Variants in MITF observed in about 807,000 individuals in gnomAD.
MITF encodes the protein melanocyte inducing transcription factor.
A neutral mutation model predicts 60.5 loss-of-function variants in MITF; 17 were observed. The observed-to-expected ratio is 0.28, with a 90% CI of 0.19 to 0.42. The LOEUF (loss-of-function observed/expected upper bound fraction) is 0.42. Among genes scored for constraint, MITF ranks in the 10% least tolerant of loss-of-function variants. MITF has a pLI of 1.00. For synonymous variants in MITF, 260 were observed against 248.5 expected (o/e 1.05, Z -0.43); for missense variants, 622 against 683.5 (o/e 0.91, Z 1.00).
chr3:69,959,430 C>CTGAG lies in MITF; in HGVS notation c.1179+12_1179+15dup. 6.2e-7 allele frequency: 1 copy of CTGAG among 1,613,754 alleles called. No homozygotes were observed. Among genetic ancestry groups the CTGAG allele is most frequent in the East Asian group, 2.2e-5 (1 of 44,846 alleles). ...GTTGCTCAGAATACAGGTACGCAGC[C>CTGAG]TGAGTTGTGTAAAGTTTACTGCTTT... On this transcript the variant is annotated intron_variant, in intron 9 of 9. Transcript: ENST00000352241.
chr3:69,939,095 C>T lies in MITF; in HGVS notation c.583-3C>T, dbSNP rs1293160128. 3 of 1,613,840 alleles carry T rather than the reference C, an allele frequency of 1.9e-6. No individual in the cohort carries two copies. In the Middle Eastern group the frequency reaches 5.0e-4, roughly 266 times the overall value. On this transcript the variant is annotated splice_region_variant and splice_polypyrimidine_tract_variant and intron_variant, in intron 3 of 9. Transcript: ENST00000352241. The stretch of plus-strand genomic sequence containing the variant: ...TAGACTGTTTTTGCTTGTGTTTTTG[C>T]AGGGATTTTATAAGTTTGAAGAGCA...
In MITF at chr3:69,967,828, C is replaced by T. The variant is rs139487027; in HGVS notation, c.*2580C>T. 902 of 233,158 alleles carry T rather than the reference C, an allele frequency of 3.9e-3. 5 individuals are homozygous for T. The highest frequency in any genetic ancestry group is 5.9e-3 in the Non-Finnish European group (693 of 117,910). 14.4% of individuals were successfully genotyped at this position (233,158 alleles called of 1,614,324 possible). A position where few individuals can be genotyped will look rare whatever the true frequency, so the allele number is the denominator to read the frequency against. On this transcript the variant is annotated 3_prime_UTR_variant, in exon 10 of 10. Coordinates refer to ENST00000352241, the MANE Select transcript of MITF (RefSeq NM_001354604.2). Reference sequence around the variant, plus strand: ...AAGAAAATGATCCACACCACTCCCCCGATTCCCGGGTGCAGAATTGTAACT... The same window carrying T: ...AAGAAAATGATCCACACCACTCCCCTGATTCCCGGGTGCAGAATTGTAACT...
At chr3:69,901,248 A>G (rs1253247955) in intron 2 of MITF, among the ~76,000 whole-genome samples, 1 of 151,988 alleles carries the variant, frequency 6.6e-6, no homozygotes, top group Non-Finnish European at 1.5e-5. Flanking sequence ...TTTTAAGTCA[A>G]CTTTGCTACT....
rs754008542 is a variant in MITF, at chr3:69,949,134, A to G, written c.846A>G (p.Pro282=). The G allele has an allele frequency of 1.2e-6, 2 of 1,613,740 alleles. No individual in the cohort carries two copies. Among genetic ancestry groups the G allele is most frequent in the Non-Finnish European group, 1.7e-6 (2 of 1,179,802 alleles). ...GCCTCACCATCAGCAACTCCTGTCC[A>G]GCCAACCTTCCCAACATAAAAAGGG... ...PPGLTISNSC[P]ANLPNIKREL... The change falls in exon 6 of 10, where the codon CCA becomes CCG. Residue 282 remains proline, a synonymous_variant. Transcript: ENST00000352241.
chr3:69,772,632 T>C (rs1370714216), intron 1 of MITF, among the ~76,000 whole-genome samples: 1 of 152,222 alleles, frequency 6.6e-6, no homozygotes, highest in African/African-American at 2.4e-5. Context: ...CATTCCTTAG[T>C]TTACTGACTT....
intron 8 of MITF, among the ~76,000 whole-genome samples, chr3:69,957,450 T>TTTTA (rs2066427705): frequency 2.0e-5 from 3 of 152,172 alleles, no homozygotes; most frequent in Non-Finnish European, 4.4e-5. Flanking sequence ...CCATTACCTA[T>TTTTA]TGTGAGGTGG....
intron 1 of MITF, among the ~76,000 whole-genome samples, chr3:69,857,356 C>G (rs1048479340): frequency 6.6e-6 from 1 of 151,938 alleles, no homozygotes; most frequent in Non-Finnish European, 1.5e-5. Context: ...ATCCCTGCCC[C>G]CCCCAGTTTC....
At chr3:69,808,113 G>T (rs1376660351) in intron 1 of MITF, among the ~76,000 whole-genome samples, 1 of 147,696 alleles carries the variant, frequency 6.8e-6, no homozygotes, top group Non-Finnish European at 1.5e-5. Flanking sequence ...AATATAGATA[G>T]TATAATATAT....
At chr3:69,904,707 T>G (rs1230744416) in intron 2 of MITF, among the ~76,000 whole-genome samples, 1 of 152,176 alleles carries the variant, frequency 6.6e-6, no homozygotes, top group Non-Finnish European at 1.5e-5. Context: ...ACATGGCTTC[T>G]ACATCTTGCA....
In MITF at chr3:69,848,718, C is replaced by T. The variant is rs1034445723; in HGVS notation, c.105-30416C>T. Among the ~76,000 whole-genome samples the T allele has an allele frequency of 2.7e-4, 41 of 152,098 alleles. 1 individual carries two copies. Among genetic ancestry groups the T allele is most frequent in the Non-Finnish European group, 4.6e-4 (31 of 68,018 alleles). The stretch of plus-strand genomic sequence containing the variant: ...AACATGATGGCAATGACAATCATGT[C>T]ACATCTGCTTCGCTCGTGATCTCTA... On this transcript the variant is annotated intron_variant, in intron 1 of 9. Coordinates refer to ENST00000352241, the MANE Select transcript of MITF (RefSeq NM_001354604.2).
intron 1 of MITF, among the ~76,000 whole-genome samples, chr3:69,792,843 A>G (rs2062762791): frequency 1.3e-5 from 2 of 152,048 alleles, no homozygotes; most frequent in East Asian, 1.9e-4. Flanking sequence ...CCTCTCCTCC[A>G]CTAAAAAGAT....
At chr3:69,876,419 C>T (rs1172983609) in intron 1 of MITF, among the ~76,000 whole-genome samples, 1 of 151,998 alleles carries the variant, frequency 6.6e-6, no homozygotes, top group Non-Finnish European at 1.5e-5. Flanking sequence ...CCCGCGCTTC[C>T]CCCCGCCACC....
At chr3:69,808,946 T>C (rs986643131) in intron 1 of MITF, among the ~76,000 whole-genome samples, 10 of 151,718 alleles carry the variant, frequency 6.6e-5, no homozygotes, top group Non-Finnish European at 1.0e-4. Context: ...AAAAGTAAGT[T>C]TGGGGAGAGT....
intron 1 of MITF, among the ~76,000 whole-genome samples, chr3:69,760,058 G>A (rs1175217005): frequency 2.6e-5 from 4 of 152,208 alleles, no homozygotes; most frequent in South Asian, 2.1e-4. Context: ...GATTACAGGC[G>A]TGAGCCACTG....
At chr3:69,816,455 T>A (rs936459664) in intron 1 of MITF, among the ~76,000 whole-genome samples, 3 of 152,180 alleles carry the variant, frequency 2.0e-5, no homozygotes, top group Non-Finnish European at 4.4e-5. Context: ...GTTTAATAAC[T>A]GAAAACTCTT....
At chr3:69,847,947 A>G (rs535007663) in intron 1 of MITF, among the ~76,000 whole-genome samples, 5 of 152,304 alleles carry the variant, frequency 3.3e-5, no homozygotes, top group South Asian at 4.1e-4. Context: ...TCCACATTTA[A>G]TGATGTGCTG....
At chr3:69,825,347 G>T (rs116335568) in intron 1 of MITF, among the ~76,000 whole-genome samples, 2,892 of 152,260 alleles carry the variant, frequency 0.019, 42 homozygotes, top group Non-Finnish European at 0.029. Flanking sequence ...AAATCTGGAA[G>T]TTTGCCATTA....
intron 1 of MITF, among the ~76,000 whole-genome samples, chr3:69,852,840 A>G (rs1292242480): frequency 6.6e-6 from 1 of 152,036 alleles, no homozygotes; most frequent in Non-Finnish European, 1.5e-5. Context: ...TCTCCCTTTC[A>G]TTTTACTGAA....
At chr3:69,762,326 TGA>T (rs1221295058) in intron 1 of MITF, among the ~76,000 whole-genome samples, 2 of 152,118 alleles carry the variant, frequency 1.3e-5, no homozygotes, top group Admixed American at 1.3e-4. Flanking sequence ...TTTTAATTAA[TGA>T]GAGAGGAGAA....
Sources: allele counts gnomAD v4.1 joint callset (sites outside exome capture counted in the v4.1 genomes callset), GRCh38; gene constraint gnomAD v4.1.1; transcripts MANE v1.5; gene names NCBI Gene and HGNC (gene_info 2026-07-23, HGNC 2026-07-21).